Variants in SUN3 observed in about 807,000 individuals in gnomAD.
SUN3 encodes SUN domain-containing protein 3.
SUN3 carries 36 observed loss-of-function variants against 48.2 expected under a neutral mutation model. That is an observed-to-expected ratio of 0.75 (90% CI 0.57 to 0.99). The LOEUF (loss-of-function observed/expected upper bound fraction) is 0.99, where lower values mean the gene tolerates loss of function less well. Among genes scored for constraint, SUN3 ranks in the 50% least tolerant of loss-of-function variants. The pLI, the probability that SUN3 is intolerant of heterozygous loss-of-function variation, is 0.00. For synonymous variants in SUN3, 148 were observed against 147.9 expected (o/e 1.00, Z 0.00); for missense variants, 419 against 433.1 (o/e 0.97, Z 0.29).
At chr7:48,019,648 T>A (rs921662535) in intron 2 of SUN3, among the ~76,000 whole-genome samples, 2 of 152,002 alleles carry the variant, frequency 1.3e-5, no homozygotes, top group African/African-American at 4.8e-5. Context: ...CTAGCTACTA[T>A]GAACAACTGT....
chr7:48,000,131 A>G (rs1382710196), intron 6 of SUN3: 1 of 151,986 alleles, frequency 6.6e-6, no homozygotes, highest in Non-Finnish European at 1.5e-5. Flanking sequence ...AAATTACCTC[A>G]TCTTTTGTTG....
At position 47,991,614 on chromosome 7, in the gene SUN3, A is replaced by ACC. The variant is rs1453239636; in HGVS notation, c.861+2700_861+2701insGG. On this transcript the variant is annotated intron_variant, in intron 8 of 9. Transcript: ENST00000297325. ...AAAACCAAAAAACAAAACAAAACAA[A>ACC]ACAAAACAAACCCCAAAACAAACAA... Among the ~76,000 whole-genome samples, 454 of 152,216 alleles carry ACC rather than the reference A, an allele frequency of 3.0e-3. 5 individuals are homozygous for ACC. The highest frequency in any genetic ancestry group is 0.01 in the African/African-American group (416 of 41,522).
At chr7:48,026,891 A>G (rs1452270717) in intron 1 of SUN3, among the ~76,000 whole-genome samples, 1 of 152,190 alleles carries the variant, frequency 6.6e-6, no homozygotes, top group African/African-American at 2.4e-5. Context: ...TGTTAAAAAA[A>G]GTAAATTTCT....
At chr7:47,994,915 G>A (rs1676748606) in intron 7 of SUN3, among the ~76,000 whole-genome samples, 1 of 152,010 alleles carries the variant, frequency 6.6e-6, no homozygotes. Flanking sequence ...CACCTAAAAA[G>A]GTGGTGGTAG....
At chr7:48,026,581 A>AACACACACACACACACACAC (rs112192395) in intron 1 of SUN3, among the ~76,000 whole-genome samples, 4 of 145,628 alleles carry the variant, frequency 2.7e-5, no homozygotes, top group African/African-American at 7.6e-5. Context: ...CCCACCCCCC[A>AACACACACACACACACACAC]ACACACACAC....
intron 3 of SUN3, among the ~76,000 whole-genome samples, chr7:48,013,712 A>G (rs1205441821): frequency 6.6e-6 from 1 of 152,238 alleles, no homozygotes; most frequent in Non-Finnish European, 1.5e-5. Context: ...GCATATTTAA[A>G]ATCTATTACT....
chr7:48,023,257 C>T (rs937194557), intron 2 of SUN3, among the ~76,000 whole-genome samples: 2 of 151,922 alleles, frequency 1.3e-5, no homozygotes, highest in African/African-American at 4.8e-5. Context: ...AGGAGTAAAT[C>T]CCAGTGAATA....
At chr7:48,031,401 C>G (rs1283522915), upstream of SUN3, among the ~76,000 whole-genome samples, 1 of 152,178 alleles carries the variant, frequency 6.6e-6, no homozygotes, top group African/African-American at 2.4e-5. Context: ...CAAAGTGGTA[C>G]ACGCCTGTAA....
At chr7:48,024,748 G>T (rs565188510) in intron 2 of SUN3, among the ~76,000 whole-genome samples, 3 of 152,140 alleles carry the variant, frequency 2.0e-5, no homozygotes, top group Non-Finnish European at 4.4e-5. Flanking sequence ...TGGTGAGAGA[G>T]GGAGCAAGAG....
chr7:48,022,384 C>T lies in SUN3; in HGVS notation c.184+3493G>A, dbSNP rs780200071. On this transcript the variant is annotated intron_variant, in intron 2 of 9. Coordinates refer to ENST00000297325, the MANE Select transcript of SUN3 (RefSeq NM_001030019.2). ...AATGGGTGACTACAGTAAAAAATTACTTAATTGTACATTTTAAAATAACTA... is the reference window on the plus strand; with the variant it reads ...AATGGGTGACTACAGTAAAAAATTATTTAATTGTACATTTTAAAATAACTA... 4.6e-4 allele frequency among the ~76,000 whole-genome samples: 70 copies of T among 152,118 alleles called. 2 individuals are homozygous for T. The highest frequency in any genetic ancestry group is 4.1e-4 in the Non-Finnish European group (28 of 67,936).
At chr7:48,015,852 G>A (rs544368082) in intron 3 of SUN3, among the ~76,000 whole-genome samples, 2 of 152,228 alleles carry the variant, frequency 1.3e-5, no homozygotes, top group African/African-American at 4.8e-5. Context: ...ACTAACTTTG[G>A]GAAGGAATTC....
intron 3 of SUN3, among the ~76,000 whole-genome samples, chr7:48,016,109 A>G (rs560617087): frequency 1.3e-5 from 2 of 152,188 alleles, no homozygotes; most frequent in Non-Finnish European, 2.9e-5. Flanking sequence ...CCTGCACTAG[A>G]TGGATCAGCT....
intron 6 of SUN3, among the ~76,000 whole-genome samples, chr7:48,001,229 C>A (rs900527301): frequency 4.6e-5 from 7 of 152,128 alleles, no homozygotes; most frequent in Non-Finnish European, 7.4e-5. Context: ...CTGATCCTCT[C>A]CCTTCTCTCA....
At chr7:48,007,381 C>G (rs563248381) in intron 4 of SUN3, 54 bp from the exon 5 acceptor site, 10 of 1,562,994 alleles carry the variant, frequency 6.4e-6, no homozygotes, top group Non-Finnish European at 8.7e-6. Flanking sequence ...CTCCTGTTAT[C>G]AGCTGTTGCT....
Position 47,994,354 on chromosome 7 carries a change from T to C in SUN3, c.822A>G (p.Ser274=), listed in dbSNP as rs754808750. 30 of 1,613,566 alleles carry C rather than the reference T, an allele frequency of 1.9e-5. No individual in the cohort carries two copies. The highest frequency in any genetic ancestry group is 2.4e-5 in the Non-Finnish European group (28 of 1,179,890). ...MEHISEKVSP[S]GNISSAPKEF... ...CCTTGGGTGCACTGGAGATGTTTCC[T>C]GACGGAGACACCTTCTCTGAGATGT... The change falls in exon 8 of 10, where the codon TCA becomes TCG. Residue 274 remains serine, a synonymous_variant. Coordinates refer to ENST00000297325, the MANE Select transcript of SUN3 (RefSeq NM_001030019.2).
intron 3 of SUN3, among the ~76,000 whole-genome samples, chr7:48,014,035 A>G (rs991267216): frequency 6.6e-6 from 1 of 152,204 alleles, no homozygotes; most frequent in Non-Finnish European, 1.5e-5. Flanking sequence ...GCACAAGCAC[A>G]GCTGACTGCA....
chr7:48,000,284 T>A (rs936120061), intron 6 of SUN3: 16 of 152,296 alleles, frequency 1.1e-4, no homozygotes, highest in Admixed American at 9.8e-4. Flanking sequence ...ATTACAGGCA[T>A]GCGCCACCAC....
intron 3 of SUN3, 34 bp downstream of exon 3, chr7:48,017,228 G>A: frequency 3.5e-6 from 4 of 1,157,730 alleles, no homozygotes; most frequent in Non-Finnish European, 5.1e-6. Flanking sequence ...AACTTTAAAT[G>A]AGTGATATAC....
intron 6 of SUN3, among the ~76,000 whole-genome samples, chr7:47,996,403 A>T (rs1361222763): frequency 6.6e-6 from 1 of 152,212 alleles, no homozygotes; most frequent in African/African-American, 2.4e-5. Flanking sequence ...GAGGCAAGTA[A>T]ATTAGAGATG....
Sources: allele counts gnomAD v4.1 joint callset (sites outside exome capture counted in the v4.1 genomes callset), GRCh38; gene constraint gnomAD v4.1.1; transcripts MANE v1.5; gene names NCBI Gene and HGNC (gene_info 2026-07-23, HGNC 2026-07-21).